TRDN: variants seen among roughly 807,000 people sequenced by gnomAD.
TRDN encodes the protein triadin.
Under a neutral mutation model 149.7 loss-of-function variants are expected in TRDN, and 161 were observed. That is an observed-to-expected ratio of 1.08 (90% confidence interval 0.95 to 1.23). TRDN has a LOEUF of 1.23. TRDN is among the 50% of genes most tolerant of loss of function. The pLI is 0.00. For missense variants in TRDN, 896 were observed against 823.5 expected (o/e 1.09, Z -1.08); for synonymous variants, 294 against 250.5 (o/e 1.17, Z -1.64).
chr6:123,342,001 C>G (rs1421301403), intron 21 of TRDN, among the ~76,000 whole-genome samples: 1 of 151,902 alleles, frequency 6.6e-6, no homozygotes, highest in Admixed American at 6.6e-5. Context: ...ATCTAAATAA[C>G]CTTTTCCTTT....
chr6:123,464,251 T>G, intron 10 of TRDN: 2 of 983,808 alleles, frequency 2.0e-6, no homozygotes, highest in Non-Finnish European at 2.4e-6. Context: ...AGAAATGACT[T>G]TAACGTTCCA....
At chr6:123,245,030 C>G (rs1264033720) in intron 38 of TRDN, among the ~76,000 whole-genome samples, 2 of 152,148 alleles carry the variant, frequency 1.3e-5, no homozygotes, top group East Asian at 1.9e-4. Flanking sequence ...AAATCCTTTA[C>G]AGACAAGCAA....
At chr6:123,246,133 CG>C (rs1776168124) in intron 38 of TRDN, among the ~76,000 whole-genome samples, 2 of 151,990 alleles carry the variant, frequency 1.3e-5, no homozygotes, top group South Asian at 4.2e-4. Flanking sequence ...CATGAGAAAG[CG>C]GGAAAAATTC....
chr6:123,426,037 T>C (rs1257303801), intron 12 of TRDN, among the ~76,000 whole-genome samples: 1 of 152,058 alleles, frequency 6.6e-6, no homozygotes. Flanking sequence ...GCTCCTTAGT[T>C]AGCAGGTGGG....
chr6:123,309,230 C>T (rs1029814811), intron 24 of TRDN, among the ~76,000 whole-genome samples: 5 of 151,876 alleles, frequency 3.3e-5, no homozygotes, highest in African/African-American at 1.2e-4. Flanking sequence ...ATTTAAACAG[C>T]CATCTTCTTA....
At chr6:123,559,490 G>C (rs147891743) in intron 2 of TRDN, among the ~76,000 whole-genome samples, 1,985 of 142,614 alleles carry the variant, frequency 0.014, 5 homozygotes, top group African/African-American at 0.027. Context: ...TCCTTTGCGT[G>C]CTCCTCTTGT....
chr6:123,401,952 GAA>G (rs1322233071), intron 12 of TRDN, among the ~76,000 whole-genome samples: 2 of 75,122 alleles, frequency 2.7e-5, no homozygotes, highest in East Asian at 3.6e-4. Context: ...AACTCAAAAA[GAA>G]AAAAAAAAAA....
At chr6:123,292,733 T>A (rs888548737) in intron 24 of TRDN, among the ~76,000 whole-genome samples, 3 of 152,230 alleles carry the variant, frequency 2.0e-5, no homozygotes, top group Non-Finnish European at 2.9e-5. Context: ...TTAACCTATG[T>A]CTTACGAGTC....
intron 9 of TRDN, among the ~76,000 whole-genome samples, chr6:123,492,173 C>G (rs1778250321): frequency 6.6e-6 from 1 of 152,008 alleles, no homozygotes; most frequent in South Asian, 2.1e-4. Context: ...TTAAAGAAAA[C>G]AAATGACACA....
At chr6:123,395,738 A>G (rs1772697977) in intron 12 of TRDN, among the ~76,000 whole-genome samples, 1 of 152,168 alleles carries the variant, frequency 6.6e-6, no homozygotes, top group African/African-American at 2.4e-5. Flanking sequence ...AAAGATTTCA[A>G]TGGAGGAAAA....
intron 24 of TRDN, among the ~76,000 whole-genome samples, chr6:123,285,578 A>G (rs1284304857): frequency 6.6e-6 from 1 of 152,116 alleles, no homozygotes; most frequent in Non-Finnish European, 1.5e-5. Context: ...TGAAACTATA[A>G]CAATTCTAGA....
Position 123,548,571 on chromosome 6 carries a change from C to G in TRDN, c.274G>C (p.Val92Leu). The stretch of plus-strand genomic sequence containing the variant: ...GTGGTTTCCTCCATAGCATCACGTA[C>G]CAGTTTTAAAGGATCTGAGCCAATC... ...AKIGSDPLKLVRDAMEETTDW... is the reference protein window; with the variant it reads ...AKIGSDPLKLLRDAMEETTDW... Residue 92 changes from valine to leucine, a missense_variant, in exon 3 of 41, where the codon GTA becomes CTA. Coordinates refer to ENST00000334268, the MANE Select transcript of TRDN (RefSeq NM_006073.4). 1 of 1,555,520 alleles carries G rather than the reference C, an allele frequency of 6.4e-7. No homozygotes were observed. The highest frequency in any genetic ancestry group is 8.7e-7 in the Non-Finnish European group (1 of 1,149,614).
intron 21 of TRDN, among the ~76,000 whole-genome samples, chr6:123,344,544 A>G (rs775992008): frequency 2.6e-5 from 4 of 151,982 alleles, no homozygotes; most frequent in Admixed American, 2.0e-4. Flanking sequence ...GACTCTTCAC[A>G]TTGGCATATT....
chr6:123,270,805 T>C (rs1777180513), intron 30 of TRDN, among the ~76,000 whole-genome samples: 2 of 151,980 alleles, frequency 1.3e-5, no homozygotes, highest in South Asian at 2.1e-4. Context: ...ATTTTAAGAT[T>C]TGAGGAAATG....
intron 21 of TRDN, among the ~76,000 whole-genome samples, chr6:123,346,780 T>C (rs528462475): frequency 4.6e-5 from 7 of 151,960 alleles, no homozygotes; most frequent in Non-Finnish European, 1.0e-4. Flanking sequence ...AGGAAGATTG[T>C]GTGGAGTTCG....
chr6:123,577,262 C>T (rs1040608696), intron 1 of TRDN, among the ~76,000 whole-genome samples: 3 of 151,982 alleles, frequency 2.0e-5, no homozygotes, highest in African/African-American at 7.2e-5. Context: ...CTTCGTTACC[C>T]AACAATTATT....
At chr6:123,381,514 C>T in intron 15 of TRDN, 124 bp from the exon 16 acceptor site, 2 of 866,046 alleles carry the variant, frequency 2.3e-6, no homozygotes, top group Admixed American at 2.4e-5. Context: ...TTAAATTTCA[C>T]AATGAGGTGA....
At chr6:123,312,875 G>C (rs552746773) in intron 24 of TRDN, among the ~76,000 whole-genome samples, 46 of 152,002 alleles carry the variant, frequency 3.0e-4, no homozygotes, top group African/African-American at 1.1e-3. Context: ...CTTACCACTT[G>C]TTTGTAAATT....
chr6:123,528,715 T>G, intron 5 of TRDN: 2 of 987,344 alleles, frequency 2.0e-6, no homozygotes, highest in Non-Finnish European at 2.4e-6. Context: ...ACTGAACTAT[T>G]TGAGAATAAA....
Sources: allele counts gnomAD v4.1 joint callset (sites outside exome capture counted in the v4.1 genomes callset), GRCh38; gene constraint gnomAD v4.1.1; transcripts MANE v1.5; gene names NCBI Gene and HGNC (gene_info 2026-07-23, HGNC 2026-07-21).